TENM3: variants seen among roughly 807,000 people sequenced by gnomAD.
TENM3 encodes the protein teneurin-3.
In TENM3, 63 loss-of-function variants were observed where a neutral mutation model predicts 255.1. The ratio of observed to expected loss-of-function variants is 0.25; its 90% CI spans 0.20 to 0.30. The LOEUF (loss-of-function observed/expected upper bound fraction) is 0.30. Among genes scored for constraint, TENM3 ranks in the 10% least tolerant of loss-of-function variants. TENM3 has a pLI of 1.00. For synonymous variants in TENM3, 1,306 were observed against 1,322.3 expected, an observed-to-expected ratio of 0.99 and a Z score of 0.27; for missense variants, 2,929 against 3,461.1, an observed-to-expected ratio of 0.85 and a Z score of 3.86.
chr4:182,632,316 A>G (rs1751445842), intron 5 of TENM3, among the ~76,000 whole-genome samples: 1 of 152,108 alleles, frequency 6.6e-6, no homozygotes. Flanking sequence ...ATTGGTATAC[A>G]TTTTTTGAAG....
At chr4:181,502,648 TG>T in the TENM3 span, among the ~76,000 whole-genome samples, 13 of 152,128 alleles carry the variant, frequency 8.5e-5, no homozygotes, top group African/African-American at 3.1e-4. Flanking sequence ...ACCTGCTTGG[TG>T]GTGGAGACTG....
chr4:182,079,085 T>C, the TENM3 span, among the ~76,000 whole-genome samples: 585 of 152,288 alleles, frequency 3.8e-3, 3 homozygotes, highest in African/African-American at 0.013. Flanking sequence ...TACTCCCCAA[T>C]GGACAATGAG....
At chr4:181,745,658 A>T in the TENM3 span, among the ~76,000 whole-genome samples, 3 of 152,136 alleles carry the variant, frequency 2.0e-5, no homozygotes, top group Non-Finnish European at 2.9e-5. Flanking sequence ...CTTGGGGAAG[A>T]TCTCTTCTAG....
intron 3 of TENM3, among the ~76,000 whole-genome samples, chr4:182,594,804 C>T (rs1425644658): frequency 6.6e-6 from 1 of 151,672 alleles, no homozygotes; most frequent in Non-Finnish European, 1.5e-5. Flanking sequence ...ACTGCAACCT[C>T]CGCCTCCTGG....
intron 2 of TENM3, among the ~76,000 whole-genome samples, chr4:182,339,294 T>A (rs1445997466): frequency 6.6e-6 from 1 of 152,232 alleles, no homozygotes; most frequent in African/African-American, 2.4e-5. Flanking sequence ...TCACTATAAA[T>A]GTCAGCGGCA....
the TENM3 span, among the ~76,000 whole-genome samples, chr4:182,059,763 GAAAAAAAA>G: frequency 2.7e-4 from 23 of 86,644 alleles, no homozygotes; most frequent in South Asian, 1.5e-3. Flanking sequence ...AAAAAAAAAA[GAAAAAAAA>G]AAAAAAGAAA....
chr4:182,372,346 T>C (rs1766880701), intron 3 of TENM3, among the ~76,000 whole-genome samples: 2 of 152,026 alleles, frequency 1.3e-5, no homozygotes, highest in Admixed American at 6.6e-5. Context: ...CTTTTAGCTA[T>C]AGTTTGCATG....
Position 182,743,602 on chromosome 4 carries a change from A to C in TENM3, c.3629+183A>C, listed in dbSNP as rs1442918521. Among the ~76,000 whole-genome samples the C allele has an allele frequency of 5.9e-5, 9 of 152,234 alleles. 1 individual carries two copies. ...AAGCATAACACATATAAATTGTCCC[A>C]TAAGTGTATTAAAGAGCATAAAGTC... On this transcript the variant is annotated intron_variant, in intron 19 of 27. Coordinates refer to ENST00000511685, the MANE Select transcript of TENM3 (RefSeq NM_001080477.4).
chr4:181,804,264 C>T, the TENM3 span, among the ~76,000 whole-genome samples: 1 of 148,064 alleles, frequency 6.8e-6, no homozygotes, highest in African/African-American at 2.5e-5. Flanking sequence ...AATTAATTGA[C>T]AAATAATACA....
At chr4:181,924,105 A>G in the TENM3 span, among the ~76,000 whole-genome samples, 1 of 152,108 alleles carries the variant, frequency 6.6e-6, no homozygotes, top group Admixed American at 6.6e-5. Flanking sequence ...ACCTAGAGAG[A>G]TGATGTCAAG....
At chr4:181,628,837 G>A in the TENM3 span, among the ~76,000 whole-genome samples, 1 of 152,130 alleles carries the variant, frequency 6.6e-6, no homozygotes, top group Non-Finnish European at 1.5e-5. Context: ...GGTTCCATAT[G>A]AACTTTAAAG....
intron 1 of TENM3, among the ~76,000 whole-genome samples, chr4:182,163,918 T>C (rs538689794): frequency 6.6e-6 from 1 of 152,296 alleles, no homozygotes; most frequent in South Asian, 2.1e-4. Context: ...GTATCCACTG[T>C]CCCAGCTCTT....
At chr4:182,209,016 T>C (rs1402877446) in intron 1 of TENM3, among the ~76,000 whole-genome samples, 4 of 151,204 alleles carry the variant, frequency 2.6e-5, no homozygotes, top group Non-Finnish European at 5.9e-5. Flanking sequence ...TCGCCCAGGC[T>C]GGAGTGCGGT....
the TENM3 span, among the ~76,000 whole-genome samples, chr4:181,748,255 C>T: frequency 4.6e-5 from 7 of 152,060 alleles, no homozygotes; most frequent in Admixed American, 2.0e-4. Flanking sequence ...ACTACATAAT[C>T]TTCTTATCCA....
chr4:181,504,492 CTCT>C, the TENM3 span, among the ~76,000 whole-genome samples: 3 of 152,096 alleles, frequency 2.0e-5, no homozygotes, highest in Non-Finnish European at 4.4e-5. Flanking sequence ...CCCTCTTTAC[CTCT>C]TCTTCTATTT....
the TENM3 span, among the ~76,000 whole-genome samples, chr4:181,890,959 C>G: frequency 6.6e-6 from 1 of 152,206 alleles, no homozygotes; most frequent in Non-Finnish European, 1.5e-5. Context: ...AATCACTGCA[C>G]TCTTACCCCA....
chr4:182,754,209 G>A lies in TENM3; in HGVS notation c.4018-176G>A, dbSNP rs575167729. Among the ~76,000 whole-genome samples the A allele has an allele frequency of 1.3e-5, 2 of 152,116 alleles. No individual in the cohort carries two copies. The highest frequency in any genetic ancestry group is 1.3e-4 in the Admixed American group (2 of 15,278). ...ATTTTAAAATAAAGTGTTATTTCCT[G>A]TATCTATCTTCATTCATTACTTTTT... On this transcript the variant is annotated intron_variant, in intron 21 of 27. Coordinates refer to ENST00000511685, the MANE Select transcript of TENM3 (RefSeq NM_001080477.4). The surrounding 1 kb of genome is among the most constrained non-coding windows in gnomAD (Gnocchi z 5.1).
rs201386876 is a variant in TENM3, at chr4:182,259,959, GC to G, written c.-76+16488del. ...GTTTCTGGTGAGATCTGCTTTTTTA[GC>G]CCCCTGCATATGAGAGAGAATGTGG... On this transcript the variant is annotated intron_variant, in intron 1 of 27. Coordinates refer to ENST00000511685, the MANE Select transcript of TENM3 (RefSeq NM_001080477.4). 5.1e-3 allele frequency among the ~76,000 whole-genome samples: 780 copies of G among 151,714 alleles called. 15 individuals carry two copies. Among genetic ancestry groups the G allele is most frequent in the African/African-American group, 0.017 (721 of 41,330 alleles).
chr4:182,794,252 A>G (rs569202569), intron 26 of TENM3, among the ~76,000 whole-genome samples: 52 of 152,218 alleles, frequency 3.4e-4, no homozygotes, highest in African/African-American at 1.2e-3. Context: ...AGCAAGCCAT[A>G]TGTTTTTTGA....
Sources: gnomAD v4.1 joint callset for allele counts (sites outside exome capture counted in the v4.1 genomes callset) on GRCh38, gnomAD v4.1.1 for gene constraint, Gnocchi (gnomAD v3.1) non-coding constraint, MANE v1.5 for transcripts, NCBI Gene and HGNC (gene_info 2026-07-23, HGNC 2026-07-21) for gene names.